Variants in ABCB7 observed in about 807,000 individuals in gnomAD.
ABCB7 encodes iron-sulfur clusters transporter ABCB7, mitochondrial.
Under a neutral mutation model 54.4 loss-of-function variants are expected in ABCB7, and 7 were observed. The observed-to-expected ratio is 0.13, with a 90% CI of 0.07 to 0.24. The LOEUF is 0.24. Ranked by LOEUF, ABCB7 falls within the 10% of genes least tolerant of loss-of-function variation. The pLI is 1.00. For missense variants in ABCB7, 356 were observed against 570.4 expected (o/e 0.62, Z 3.83); for synonymous variants, 218 against 207.1 (o/e 1.05, Z -0.45).
At chrX:75,077,402 C>G (rs1181614865) in intron 4 of ABCB7, among the ~76,000 whole-genome samples, 1 of 112,029 alleles carries the variant, frequency 8.9e-6, no homozygotes, top group Admixed American at 9.5e-5. Flanking sequence ...TTCATATATT[C>G]AAGGCAAATG....
chrX:75,108,326 C>T (rs2081723404), intron 3 of ABCB7, among the ~76,000 whole-genome samples: 1 of 111,478 alleles, frequency 9.0e-6, no homozygotes, highest in Non-Finnish European at 1.9e-5. Context: ...GTGGGCCTGG[C>T]TGGCTTTGCC....
intron 5 of ABCB7, 137 bp downstream of exon 5, chrX:75,076,385 A>T (rs976503002): frequency 1.2e-6 from 1 of 828,349 alleles, no homozygotes; most frequent in African/African-American, 2.0e-5. Flanking sequence ...AAAAACACAT[A>T]CAAAACATCT....
intron 3 of ABCB7, among the ~76,000 whole-genome samples, chrX:75,107,553 C>T (rs1048197711): frequency 4.5e-5 from 5 of 111,549 alleles, no homozygotes; most frequent in Non-Finnish European, 7.5e-5. Flanking sequence ...TCGTGAGGGC[C>T]CTATTCCAGG....
chrX:75,111,442 C>T (rs182921720), intron 3 of ABCB7, among the ~76,000 whole-genome samples: 58 of 111,856 alleles, frequency 5.2e-4, no homozygotes, highest in African/African-American at 1.7e-3. Flanking sequence ...TCATTTAAAT[C>T]CCCTTCAAAA....
chrX:75,076,401 A>G, intron 5 of ABCB7, 121 bp downstream of exon 5: 1 of 941,736 alleles, frequency 1.1e-6, no homozygotes, highest in South Asian at 2.1e-5. Context: ...CATCTCACAT[A>G]AAACAACAAA....
At chrX:75,142,614 C>A (rs2082061765) in intron 1 of ABCB7, among the ~76,000 whole-genome samples, 1 of 112,422 alleles carries the variant, frequency 8.9e-6, no homozygotes, top group South Asian at 3.7e-4. Flanking sequence ...CCCCATTCAT[C>A]CACCAGTCCA....
chrX:75,111,635 C>T (rs965611110), intron 3 of ABCB7, among the ~76,000 whole-genome samples: 3 of 112,253 alleles, frequency 2.7e-5, no homozygotes, highest in African/African-American at 9.7e-5. Flanking sequence ...CTATATGATT[C>T]TATGATTCCA....
rs1271983750 is a variant in ABCB7, at chrX:75,131,444, G to A, written c.169-16613C>T. ...ATGGTTTAAAAAGCATATGATGGGG[G>A]AGATGGCAGGGCAGTGGACGTATAT... On this transcript the variant is annotated intron_variant, in intron 1 of 15. Coordinates refer to ENST00000373394, the MANE Select transcript of ABCB7 (RefSeq NM_001271696.3). Among the ~76,000 whole-genome samples the A allele has an allele frequency of 3.6e-5, 4 of 111,063 alleles. No homozygotes were observed. In the East Asian group the frequency reaches 1.1e-3, roughly 31 times the overall value.
At chrX:75,094,969 A>G (rs1299807783) in intron 4 of ABCB7, among the ~76,000 whole-genome samples, 1 of 110,382 alleles carries the variant, frequency 9.1e-6, no homozygotes, top group Non-Finnish European at 1.9e-5. Flanking sequence ...CCCCTCTCTT[A>G]GTCTACTCTG....
intron 1 of ABCB7, among the ~76,000 whole-genome samples, chrX:75,123,367 A>G (rs763660903): frequency 1.8e-5 from 2 of 111,693 alleles, no homozygotes; most frequent in Admixed American, 1.9e-4. Flanking sequence ...TCTGGGCTCT[A>G]TATTCTGTTC....
chrX:75,073,204 A>T (rs892832712), intron 8 of ABCB7, among the ~76,000 whole-genome samples: 1 of 111,910 alleles, frequency 8.9e-6, no homozygotes, highest in Non-Finnish European at 1.9e-5. Flanking sequence ...TAAAATAATG[A>T]TTAAACGTGT....
intron 4 of ABCB7, among the ~76,000 whole-genome samples, chrX:75,089,292 T>C (rs1440647422): frequency 8.9e-6 from 1 of 112,026 alleles, no homozygotes; most frequent in Non-Finnish European, 1.9e-5. Context: ...TAAAATAAAA[T>C]AATTTATCTT....
chrX:75,054,924 C>G (rs1175251837), intron 15 of ABCB7, among the ~76,000 whole-genome samples: 1 of 111,302 alleles, frequency 9.0e-6, no homozygotes, highest in Admixed American at 9.6e-5. Flanking sequence ...ACCACAATAA[C>G]TTTTGTACCA....
intron 3 of ABCB7, among the ~76,000 whole-genome samples, chrX:75,111,460 C>T (rs1042317810): frequency 8.9e-6 from 1 of 111,757 alleles, no homozygotes; most frequent in East Asian, 2.8e-4. Flanking sequence ...AAATTATCAT[C>T]TCCATTTTAC....
chrX:75,075,241 T>C, intron 6 of ABCB7, 121 bp downstream of exon 6: 1 of 770,675 alleles, frequency 1.3e-6, no homozygotes, highest in Non-Finnish European at 1.9e-6. Context: ...ATAATATTTC[T>C]GGCATCATGG....
At position 75,075,374 on chromosome X, in the gene ABCB7, G is replaced by A; in HGVS notation, c.843C>T (p.Val281=). 2 of 1,210,714 alleles carry A rather than the reference G, an allele frequency of 1.7e-6. No homozygotes were observed. ...LLPIMFEVML[V]SGVLYYKCGA... ...ATGTTTAACTTACCAAAACACCACT[G>A]ACAAGCATCACTTCAAACATGATGG... is the stretch of plus-strand genomic sequence containing the variant. The change falls in exon 6 of 16, where the codon GTC becomes GTT. Residue 281 remains valine (V), a synonymous_variant. Transcript: ENST00000373394.
At chrX:75,152,288 G>C (rs1436320874) in intron 1 of ABCB7, among the ~76,000 whole-genome samples, 1 of 111,698 alleles carries the variant, frequency 9.0e-6, no homozygotes, top group Non-Finnish European at 1.9e-5. Context: ...TTAGGACTTG[G>C]AGAGTAGAGC....
chrX:75,075,879 A>C (rs1330011742), intron 5 of ABCB7, among the ~76,000 whole-genome samples: 1 of 112,051 alleles, frequency 8.9e-6, no homozygotes, highest in Non-Finnish European at 1.9e-5. Context: ...TTTCCAAATA[A>C]AATACTTAAA....
rs863223870 is a variant in ABCB7, at chrX:75,114,833, T to A, written c.169-2A>T. On this transcript the variant is annotated splice_acceptor_variant, in intron 1 of 15. Coordinates refer to ENST00000373394, the MANE Select transcript of ABCB7 (RefSeq NM_001271696.3). LOFTEE classifies it high-confidence loss of function. ...GATACTTTTTAATGACTCTGGAATC[T>A]GCTGACAAGGAAAAAAAGTAGGGGG... is the stretch of plus-strand genomic sequence containing the variant. 8.4e-7 allele frequency: 1 copy of A among 1,193,848 alleles called. No homozygotes were observed. Among genetic ancestry groups the A allele is most frequent in the African/African-American group, 1.7e-5 (1 of 57,465 alleles).
Sources: gnomAD v4.1 joint callset for allele counts (sites outside exome capture counted in the v4.1 genomes callset) on GRCh38, gnomAD v4.1.1 for gene constraint, MANE v1.5 for transcripts, NCBI Gene and HGNC (gene_info 2026-07-23, HGNC 2026-07-21) for gene names.